SAG: variants seen among roughly 807,000 people sequenced by gnomAD.
The protein encoded by SAG is S-arrestin.
SAG carries 45 observed loss-of-function variants against 55.0 expected under a neutral mutation model. The observed-to-expected ratio is 0.82, with a 90% CI of 0.64 to 1.05. SAG has a LOEUF of 1.05. Among genes scored for constraint, SAG ranks in the 50% least tolerant of loss-of-function variants. The pLI is 0.00. For missense variants in SAG, 455 were observed against 512.1 expected (o/e 0.89, Z 1.08); for synonymous variants, 189 against 197.4 (o/e 0.96, Z 0.36).
Position 233,309,219 on chromosome 2 carries a change from C to T in SAG, c.30C>T (p.Ser10=), listed in dbSNP as rs746667957. MAASGKTSK[S]EPNHVIFKKI... ...CAGCCAGCGGGAAGACCAGCAAGTC[C>T]GAACCGAACCATGTTATCTTCAAGA... Residue 10 remains serine, a synonymous_variant, in exon 2 of 16, where the codon TCC becomes TCT. Transcript: ENST00000409110. 4.3e-6 allele frequency: 7 copies of T among 1,613,562 alleles called. No individual in the cohort carries two copies. The highest frequency in any genetic ancestry group is 1.1e-5 in the South Asian group (1 of 91,034).
At chr2:233,312,467 C>G (rs1176174270) in intron 2 of SAG, among the ~76,000 whole-genome samples, 1 of 152,242 alleles carries the variant, frequency 6.6e-6, no homozygotes, top group Non-Finnish European at 1.5e-5. Context: ...GGTCAAAGTG[C>G]TTAGCTTGGC....
intron 1 of SAG, among the ~76,000 whole-genome samples, chr2:233,308,834 C>G (rs1269718223): frequency 6.6e-6 from 1 of 152,184 alleles, no homozygotes; most frequent in Non-Finnish European, 1.5e-5. Context: ...ACTTTAAATT[C>G]AACCTGGCTA....
chr2:233,316,005 C>T, intron 2 of SAG, 70 bp from the exon 3 acceptor site: 1 of 946,158 alleles, frequency 1.1e-6, no homozygotes, highest in Non-Finnish European at 1.7e-6. Context: ...CGGGCTGCTG[C>T]TGGTTTTTAT....
At chr2:233,346,282 C>G in intron 14 of SAG, 121 bp from the exon 15 acceptor site, 1 of 1,092,708 alleles carries the variant, frequency 9.2e-7, no homozygotes, top group Non-Finnish European at 1.4e-6. Flanking sequence ...GGCCTTATCT[C>G]TCAAATTGTA....
chr2:233,330,981 G>A (rs770048870), intron 9 of SAG, among the ~76,000 whole-genome samples: 1 of 152,140 alleles, frequency 6.6e-6, no homozygotes, highest in Non-Finnish European at 1.5e-5. Flanking sequence ...GGAGGCCAAG[G>A]TGGGAGGATC....
intron 9 of SAG, among the ~76,000 whole-genome samples, chr2:233,330,062 T>A (rs1017350623): frequency 6.6e-6 from 1 of 152,210 alleles, no homozygotes; most frequent in African/African-American, 2.4e-5. Context: ...GGCCATCATG[T>A]CATGGCTGAC....
rs764583973 is a variant in SAG, at chr2:233,334,946, GTTC to G, written c.807-9_807-7del. The stretch of plus-strand genomic sequence containing the variant: ...GCTTTGATGGTTATAAATCTCCTCT[GTTC>G]TTCTTCCTCTAGAGAAAAAGTGCCA... On this transcript the variant is annotated splice_polypyrimidine_tract_variant and intron_variant, in intron 10 of 15. Transcript: ENST00000409110. The G allele has an allele frequency of 8.1e-6, 13 of 1,613,796 alleles. No individual in the cohort carries two copies. The highest frequency in any genetic ancestry group is 2.2e-5 in the East Asian group (1 of 44,880).
chr2:233,325,108 C>T (rs1462807230), intron 6 of SAG, among the ~76,000 whole-genome samples: 1 of 151,852 alleles, frequency 6.6e-6, no homozygotes, highest in Non-Finnish European at 1.5e-5. Flanking sequence ...TGCCTGTAAT[C>T]CCAGCCAATT....
chr2:233,336,786 C>T lies in SAG; in HGVS notation c.944+1687C>T, dbSNP rs78881836. Among the ~76,000 whole-genome samples, 51 of 152,170 alleles carry T rather than the reference C, an allele frequency of 3.4e-4. 1 individual carries two copies. The East Asian group carries it at 8.9e-3, about 27-fold the overall frequency. The stretch of plus-strand genomic sequence containing the variant: ...TGTTCAGTTCAGCAGCTGCTTGGCC[C>T]CATTCAGCGCAAGGTAGAGTTAATC... On this transcript the variant is annotated intron_variant, in intron 11 of 15. Transcript: ENST00000409110.
At chr2:233,343,081 G>GTTTTTTTTTTTTTTTTTTTTTTT in intron 14 of SAG, 1 of 104,342 alleles carries the variant, frequency 9.6e-6, no homozygotes, top group Non-Finnish European at 1.8e-5. Context: ...TTTTTTTGGG[G>GTTTTTTTTTTTTTTTTTTTTTTT]TTTTTTTTTT....
At position 233,319,495 on chromosome 2, in the gene SAG, T is replaced by C; in HGVS notation, c.181+700T>C. 1 of 703,542 alleles carries C rather than the reference T, an allele frequency of 1.4e-6. No homozygotes were observed. Among genetic ancestry groups the C allele is most frequent in the Non-Finnish European group, 1.8e-6 (1 of 569,528 alleles). The allele number at this position is 703,542 out of a possible 1,614,324, so 43.6% of individuals were successfully genotyped here. On this transcript the variant is annotated intron_variant, in intron 4 of 15. Coordinates refer to ENST00000409110, the MANE Select transcript of SAG (RefSeq NM_000541.5). The surrounding 1 kb of genome is among the most constrained non-coding windows in gnomAD (Gnocchi z 4.4). ...CACTGACTCAGTTCCATTCTAAATA[T>C]GCCTTTTTGAGTGTTGCTACTGGCA...
At chr2:233,310,996 A>G (rs952613555) in intron 2 of SAG, among the ~76,000 whole-genome samples, 1 of 152,020 alleles carries the variant, frequency 6.6e-6, no homozygotes, top group African/African-American at 2.4e-5. Flanking sequence ...GTATCTTTCC[A>G]GTCCATTTTA....
intron 3 of SAG, among the ~76,000 whole-genome samples, chr2:233,317,394 T>C (rs7557117): frequency 0.014 from 2,110 of 152,300 alleles, 45 homozygotes; most frequent in African/African-American, 0.048. Flanking sequence ...GATGGAACCA[T>C]TGGGAGAAAC....
intron 6 of SAG, among the ~76,000 whole-genome samples, chr2:233,323,597 A>G (rs554270495): frequency 3.3e-5 from 5 of 152,236 alleles, no homozygotes; most frequent in African/African-American, 1.2e-4. Flanking sequence ...TCCCGACCTC[A>G]GGTGATCTGC....
intron 2 of SAG, among the ~76,000 whole-genome samples, chr2:233,313,715 C>CTT (rs58355307): frequency 3.8e-5 from 3 of 78,942 alleles, no homozygotes; most frequent in African/African-American, 9.6e-5. Flanking sequence ...CCGGGCTAAT[C>CTT]TTTTTTTTTT....
In SAG at chr2:233,328,490, A is replaced by G. The variant is rs199839554; in HGVS notation, c.525A>G (p.Arg175=). 4,022 of 1,613,588 alleles carry G rather than the reference A, an allele frequency of 2.5e-3. 18 individuals are homozygous for G. Among genetic ancestry groups the G allele is most frequent in the Non-Finnish European group, 2.2e-3 (2,546 of 1,179,606 alleles). Residue 175 remains arginine, a synonymous_variant, in exon 8 of 16, where the codon CGA becomes CGG. Coordinates refer to ENST00000409110, the MANE Select transcript of SAG (RefSeq NM_000541.5). The part of the protein sequence containing the change: ...EDKIPKKSSV[R]LLIRKVQHAP... ...CTGTTTCCCACAGGAGCTCCGTGCG[A>G]TTACTGATCCGCAAAGTACAGCATG...
chr2:233,341,143 T>C (rs945126639), intron 13 of SAG, among the ~76,000 whole-genome samples: 1 of 152,102 alleles, frequency 6.6e-6, no homozygotes, highest in Non-Finnish European at 1.5e-5. Flanking sequence ...TTTTGTTTTA[T>C]TTTATTTTAT....
chr2:233,327,155 C>T lies in SAG; in HGVS notation c.470C>T (p.Ala157Val). The T allele has an allele frequency of 6.2e-7, 1 of 1,613,878 alleles. No individual in the cohort carries two copies. Among genetic ancestry groups the T allele is most frequent in the Non-Finnish European group, 8.5e-7 (1 of 1,179,802 alleles). The stretch of plus-strand genomic sequence containing the variant: ...GTTGACTTTGAGGTCAAAGCATTCG[C>T]CACAGACAGCACCGATGCCGAAGAG... ...CGVDFEVKAF[A>V]TDSTDAEEDK... Residue 157 changes from alanine to valine, a missense_variant, in exon 7 of 16, where the codon GCC becomes GTC. Transcript: ENST00000409110.
At chr2:233,326,327 C>G (rs1574939954) in intron 6 of SAG, among the ~76,000 whole-genome samples, 1 of 152,140 alleles carries the variant, frequency 6.6e-6, no homozygotes, top group East Asian at 1.9e-4. Context: ...TGGCTCACAC[C>G]TATAATCCCA....
Sources: allele counts gnomAD v4.1 joint callset (sites outside exome capture counted in the v4.1 genomes callset), GRCh38; gene constraint gnomAD v4.1.1; non-coding constraint Gnocchi (gnomAD v3.1); transcripts MANE v1.5; gene names NCBI Gene and HGNC (gene_info 2026-07-23, HGNC 2026-07-21).